ARMC9: variants seen among roughly 807,000 people sequenced by gnomAD.
The protein encoded by ARMC9 is armadillo repeat containing 9, also known as lisH domain-containing protein ARMC9.
ARMC9 carries 94 observed loss-of-function variants against 107.0 expected under a neutral mutation model. The observed-to-expected ratio is 0.88, with a 90% CI of 0.74 to 1.04. ARMC9 has a LOEUF of 1.04. Among genes scored for constraint, ARMC9 ranks in the 50% least tolerant of loss-of-function variants. The probability of loss-of-function intolerance (pLI) is 0.00; values close to 1 mark genes in which losing one functional copy is unlikely to be tolerated. For missense variants in ARMC9, 942 were observed against 1,030.1 expected (o/e 0.91, Z 1.17); for synonymous variants, 380 against 396.9 (o/e 0.96, Z 0.51).
intron 19 of ARMC9, among the ~76,000 whole-genome samples, chr2:231,328,819 C>CTTTTT (rs781598910): frequency 8.7e-6 from 1 of 115,236 alleles, no homozygotes. Context: ...CTTTTCTTTT[C>CTTTTT]TTTTTTTTTT....
At chr2:231,270,640 G>C in intron 12 of ARMC9, 1 of 503,080 alleles carries the variant, frequency 2.0e-6, no homozygotes, top group Non-Finnish European at 4.0e-6. Context: ...GTGGCTTAGA[G>C]GGAGCCAAAT....
chr2:231,269,663 G>A (rs1297877367), intron 12 of ARMC9, among the ~76,000 whole-genome samples: 1 of 151,968 alleles, frequency 6.6e-6, no homozygotes, highest in Non-Finnish European at 1.5e-5. Flanking sequence ...ATAGGCATGA[G>A]CCACCCTGCC....
chr2:231,332,061 C>T (rs1410502303), intron 20 of ARMC9, among the ~76,000 whole-genome samples, 164 bp downstream of exon 20: 1 of 152,154 alleles, frequency 6.6e-6, no homozygotes, highest in Non-Finnish European at 1.5e-5. Flanking sequence ...CCCTGAAATG[C>T]ACTGTGGCCC....
chr2:231,249,876 C>CTT (rs2037133427), intron 9 of ARMC9, among the ~76,000 whole-genome samples: 1 of 80,166 alleles, frequency 1.2e-5, no homozygotes, highest in African/African-American at 7.0e-5. Flanking sequence ...GAGACCACCG[C>CTT]CCACCCGTGC....
At chr2:231,275,128 C>T (rs575393160) in intron 14 of ARMC9, among the ~76,000 whole-genome samples, 1 of 152,192 alleles carries the variant, frequency 6.6e-6, no homozygotes, top group Non-Finnish European at 1.5e-5. Flanking sequence ...ATGTGCTTAA[C>T]CTTTTTGCAG....
chr2:231,284,302 A>G (rs924801405), intron 17 of ARMC9, among the ~76,000 whole-genome samples: 1 of 152,186 alleles, frequency 6.6e-6, no homozygotes, highest in Non-Finnish European at 1.5e-5. Flanking sequence ...CACTTACTCT[A>G]TGATATTTAT....
At chr2:231,276,841 T>C in intron 15 of ARMC9, 66 bp downstream of exon 15, 1 of 1,586,200 alleles carries the variant, frequency 6.3e-7, no homozygotes. Flanking sequence ...AAGCTGGGTT[T>C]CTAGTGAGCC....
intron 21 of ARMC9, among the ~76,000 whole-genome samples, chr2:231,351,419 GT>G (rs2045075665): frequency 6.6e-6 from 1 of 151,978 alleles, no homozygotes; most frequent in African/African-American, 2.4e-5. Flanking sequence ...TTCCCTTACC[GT>G]TTAAACCAGT....
At position 231,362,007 on chromosome 2, in the gene ARMC9, A is replaced by G. The variant is rs573708016; in HGVS notation, c.2261+1124A>G. Among the ~76,000 whole-genome samples, 431 of 152,168 alleles carry G rather than the reference A, an allele frequency of 2.8e-3. No individual in the cohort carries two copies. Among genetic ancestry groups the G allele is most frequent in the African/African-American group, 9.5e-3 (394 of 41,504 alleles). The stretch of plus-strand genomic sequence containing the variant: ...CGGAACTGTGGGAAGGATGGGAAGG[A>G]CTTCAAGACCTGGGCTAGGGAAGGG... On this transcript the variant is annotated intron_variant, in intron 23 of 24. Coordinates refer to ENST00000611582, the MANE Select transcript of ARMC9 (RefSeq NM_001352754.2). The surrounding 1 kb of genome is among the most constrained non-coding windows in gnomAD (Gnocchi z 4.7).
intron 9 of ARMC9, among the ~76,000 whole-genome samples, chr2:231,253,649 A>T (rs2037503298): frequency 6.6e-6 from 1 of 152,242 alleles, no homozygotes; most frequent in Non-Finnish European, 1.5e-5. Context: ...GTTCTGGTTC[A>T]GGAAGTCTGG....
rs74431250 is a variant in ARMC9 at position 231,281,961 on chromosome 2, T to C, written c.1552-98T>C. ...GCTGCGAGGACGGGAACACCCACTC[T>C]CCCCATTTGCCAGATTGTTCTGAGG... is the stretch of plus-strand genomic sequence containing the variant. On this transcript the variant is annotated intron_variant, in intron 16 of 24. Transcript: ENST00000611582. 6,538 of 1,172,072 alleles carry C rather than the reference T, an allele frequency of 5.6e-3. 158 individuals are homozygous for C. The East Asian group carries it at 0.058, about 10-fold the overall frequency. The allele number at this position is 1,172,072 out of a possible 1,614,324, so 72.6% of individuals were successfully genotyped here.
chr2:231,243,284 G>A lies in ARMC9; in HGVS notation c.879+3243G>A, dbSNP rs536582600. On this transcript the variant is annotated intron_variant, in intron 9 of 24. Transcript: ENST00000611582. Reference sequence around the variant, plus strand: ...AAAAATTAGTTGGGCTTGGTGGTGCGTGGCTGTAGCCCCAGCTACTCAGGA... The same window carrying A: ...AAAAATTAGTTGGGCTTGGTGGTGCATGGCTGTAGCCCCAGCTACTCAGGA... 7.2e-5 allele frequency among the ~76,000 whole-genome samples: 11 copies of A among 151,796 alleles called. 1 individual carries two copies. In the East Asian group the frequency reaches 9.7e-4, roughly 13 times the overall value.
intron 19 of ARMC9, among the ~76,000 whole-genome samples, chr2:231,311,280 T>G (rs2042330703): frequency 6.6e-6 from 1 of 152,206 alleles, no homozygotes; most frequent in Non-Finnish European, 1.5e-5. Flanking sequence ...TCCTCTTTCC[T>G]GGTGGAGTCA....
chr2:231,211,853 T>C (rs1289677847), intron 3 of ARMC9, among the ~76,000 whole-genome samples: 1 of 152,176 alleles, frequency 6.6e-6, no homozygotes, highest in Non-Finnish European at 1.5e-5. Context: ...TTCTCTGATG[T>C]CTTCAGGTCT....
rs950579339 is a variant in ARMC9, at chr2:231,291,213, C to T, written c.1627-140C>T. ...TCTATCTCTTAAACATATCTGTCTC[C>T]TCTTCTCTGTCCCCCACCCAAGGTA... is the stretch of plus-strand genomic sequence containing the variant. On this transcript the variant is annotated intron_variant, in intron 17 of 24. Transcript: ENST00000611582. 9 of 637,116 alleles carry T rather than the reference C, an allele frequency of 1.4e-5. No individual in the cohort carries two copies. The African/African-American group carries it at 1.6e-4, about 12-fold the overall frequency. 39.5% of individuals were successfully genotyped at this position (637,116 alleles called of 1,614,324 possible).
rs1282302263 is a variant in ARMC9 at position 231,374,838 on chromosome 2, T to C, written c.*3303T>C. 1 of 152,200 alleles carries C rather than the reference T, an allele frequency of 6.6e-6. No individual in the cohort carries two copies. The highest frequency in any genetic ancestry group is 1.5e-5 in the Non-Finnish European group (1 of 68,052). 9.4% of individuals were successfully genotyped at this position (152,200 alleles called of 1,614,324 possible). A position where few individuals can be genotyped will look rare whatever the true frequency, so the allele number is the denominator to read the frequency against. ...TAAAATATTACATCATGTGTCTTCA[T>C]TACTGAGTTTTGGGGTAGCCCTTTA... On this transcript the variant is annotated 3_prime_UTR_variant, in exon 25 of 25. Coordinates refer to ENST00000611582, the MANE Select transcript of ARMC9 (RefSeq NM_001352754.2).
chr2:231,301,884 C>T (rs2041751419), intron 19 of ARMC9, among the ~76,000 whole-genome samples: 1 of 151,908 alleles, frequency 6.6e-6, no homozygotes, highest in South Asian at 2.1e-4. Context: ...TAGTCTGAGG[C>T]GCAAGAATCA....
chr2:231,199,174 C>T (rs1049596377), intron 1 of ARMC9, among the ~76,000 whole-genome samples: 4 of 152,214 alleles, frequency 2.6e-5, no homozygotes, highest in African/African-American at 7.2e-5. Context: ...CCCATAATCC[C>T]ACCCGTTTGT....
Position 231,276,750 on chromosome 2 carries a change from C to A in ARMC9, c.1449C>A (p.Leu483=). The change falls in exon 15 of 25, where the codon CTC becomes CTA. Residue 483 remains leucine (L), a synonymous_variant. Coordinates refer to ENST00000611582, the MANE Select transcript of ARMC9 (RefSeq NM_001352754.2). ...DYTLEYSVAL[L]MNLCLRSTGK... ...CGCTGGAGTACTCGGTGGCTTTGCT[C>A]ATGAACCTCTGCCTCCGCAGCACAG... is the stretch of plus-strand genomic sequence containing the variant. The A allele has an allele frequency of 6.2e-7, 1 of 1,614,160 alleles. No individual in the cohort carries two copies. Among genetic ancestry groups the A allele is most frequent in the South Asian group, 1.1e-5 (1 of 91,064 alleles).
Sources: allele counts gnomAD v4.1 joint callset (sites outside exome capture counted in the v4.1 genomes callset), GRCh38; gene constraint gnomAD v4.1.1; non-coding constraint Gnocchi (gnomAD v3.1); transcripts MANE v1.5; gene names NCBI Gene and HGNC (gene_info 2026-07-23, HGNC 2026-07-21).